EIF4G3: variants seen among roughly 807,000 people sequenced by gnomAD.
The protein encoded by EIF4G3 is eukaryotic translation initiation factor 4 gamma 3.
EIF4G3 carries 34 observed loss-of-function variants against 186.4 expected under a neutral mutation model. The ratio of observed to expected loss-of-function variants is 0.18; its 90% CI spans 0.14 to 0.24. The LOEUF is 0.24. Among genes scored for constraint, EIF4G3 ranks in the 10% least tolerant of loss-of-function variants. The pLI is 1.00. For synonymous variants in EIF4G3, 673 were observed against 679.5 expected (o/e 0.99, Z 0.15); for missense variants, 1,536 against 1,948.5 (o/e 0.79, Z 3.99).
intron 8 of EIF4G3, among the ~76,000 whole-genome samples, chr1:20,981,651 AC>A (rs2078190019): frequency 7.6e-6 from 1 of 131,700 alleles, no homozygotes; most frequent in Non-Finnish European, 1.6e-5. Context: ...CTGTATGTAT[AC>A]ATACATGTAT....
chr1:20,935,283 C>T (rs191488373), intron 14 of EIF4G3, among the ~76,000 whole-genome samples: 2 of 152,196 alleles, frequency 1.3e-5, no homozygotes, highest in African/African-American at 4.8e-5. Flanking sequence ...TAACTATATC[C>T]AGGAATAACT....
intron 7 of EIF4G3, among the ~76,000 whole-genome samples, chr1:20,997,049 AAATT>A (rs1249644902): frequency 9.2e-5 from 14 of 152,202 alleles, no homozygotes; most frequent in African/African-American, 1.7e-4. Flanking sequence ...AAAGTTATTT[AAATT>A]AATTAAGATA....
intron 2 of EIF4G3, among the ~76,000 whole-genome samples, chr1:21,145,821 C>T (rs1201540826): frequency 6.6e-6 from 1 of 152,120 alleles, no homozygotes; most frequent in Non-Finnish European, 1.5e-5. Flanking sequence ...TGGCTCATAT[C>T]TGCAATCCCA....
At chr1:20,865,598 T>C (rs2077386972) in intron 20 of EIF4G3, among the ~76,000 whole-genome samples, 1 of 152,128 alleles carries the variant, frequency 6.6e-6, no homozygotes, top group African/African-American at 2.4e-5. Context: ...ATTACTTCTT[T>C]TTTTAAGAAG....
intron 4 of EIF4G3, among the ~76,000 whole-genome samples, chr1:21,020,997 A>ATTTTT (rs60618419): frequency 6.6e-6 from 1 of 151,592 alleles, no homozygotes; most frequent in Non-Finnish European, 1.5e-5. Context: ...ATTTATTTTA[A>ATTTTT]TTTTGAGACA....
At chr1:21,062,536 C>T (rs1391888207) in intron 3 of EIF4G3, among the ~76,000 whole-genome samples, 3 of 152,088 alleles carry the variant, frequency 2.0e-5, no homozygotes, top group South Asian at 4.2e-4. Flanking sequence ...TCTAGCACCA[C>T]GGAGAAGACG....
intron 30 of EIF4G3, among the ~76,000 whole-genome samples, chr1:20,839,909 CAAAAA>C (rs58331252): frequency 2.6e-4 from 33 of 128,482 alleles, no homozygotes; most frequent in African/African-American, 9.9e-4. Context: ...ATGAGCTTGG[CAAAAA>C]AAAAAAAAAA....
At chr1:21,148,177 T>A (rs1022163354) in intron 2 of EIF4G3, among the ~76,000 whole-genome samples, 2 of 152,102 alleles carry the variant, frequency 1.3e-5, no homozygotes, top group Non-Finnish European at 2.9e-5. Flanking sequence ...CAAGCAATCC[T>A]CCCATCTCAA....
chr1:20,952,799 G>A (rs886883455), intron 12 of EIF4G3, among the ~76,000 whole-genome samples: 8 of 152,110 alleles, frequency 5.3e-5, no homozygotes, highest in South Asian at 2.1e-4. Context: ...GCAGTGAGCC[G>A]AGGTCGCGCC....
intron 2 of EIF4G3, among the ~76,000 whole-genome samples, chr1:21,118,573 G>A (rs2096869381): frequency 6.6e-6 from 1 of 152,094 alleles, no homozygotes; most frequent in East Asian, 1.9e-4. Flanking sequence ...GATCACTAAG[G>A]TCAGGAGCTT....
At chr1:21,017,627 C>CAAAA (rs71014146) in intron 4 of EIF4G3, among the ~76,000 whole-genome samples, 4 of 49,202 alleles carry the variant, frequency 8.1e-5, no homozygotes, top group South Asian at 1.0e-3. Context: ...GACTCCGTCT[C>CAAAA]AAAAAAAAAA....
chr1:20,890,315 T>TC (rs2085592260), intron 18 of EIF4G3, among the ~76,000 whole-genome samples: 4 of 152,146 alleles, frequency 2.6e-5, no homozygotes, highest in Admixed American at 2.0e-4. Context: ...GGGGCATACC[T>TC]CATAGATTTT....
intron 2 of EIF4G3, among the ~76,000 whole-genome samples, chr1:21,167,221 C>T (rs537059704): frequency 1.3e-5 from 2 of 152,348 alleles, no homozygotes; most frequent in South Asian, 2.1e-4. Context: ...TTAAAACTGG[C>T]TGTGTTCATT....
intron 12 of EIF4G3, among the ~76,000 whole-genome samples, chr1:20,964,945 G>A (rs916372070): frequency 2.6e-5 from 4 of 152,184 alleles, no homozygotes; most frequent in Admixed American, 1.3e-4. Context: ...CCCACGAGTC[G>A]TCTTTCTCTC....
intron 2 of EIF4G3, among the ~76,000 whole-genome samples, chr1:21,128,446 G>A (rs1019292767): frequency 1.3e-5 from 2 of 151,140 alleles, no homozygotes; most frequent in Non-Finnish European, 3.0e-5. Context: ...GGAGGTGGAG[G>A]TTGCAGTGAG....
chr1:21,077,037 T>C (rs1241138085), intron 3 of EIF4G3, among the ~76,000 whole-genome samples: 1 of 152,090 alleles, frequency 6.6e-6, no homozygotes, highest in Non-Finnish European at 1.5e-5. Context: ...ATGCAAACTA[T>C]ACATTTGACA....
chr1:20,880,643 C>T (rs764583397), intron 19 of EIF4G3, among the ~76,000 whole-genome samples: 1 of 152,010 alleles, frequency 6.6e-6, no homozygotes, highest in South Asian at 2.1e-4. Context: ...CCCAGCTACT[C>T]GGGAGGCTGA....
At chr1:20,975,846 AT>A (rs1173625737) in intron 10 of EIF4G3, among the ~76,000 whole-genome samples, 2 of 151,884 alleles carry the variant, frequency 1.3e-5, no homozygotes, top group Non-Finnish European at 2.9e-5. Flanking sequence ...ACCACTATTT[AT>A]TTTTTTAAAT....
At chr1:21,095,111 T>G (rs930237451) in intron 2 of EIF4G3, among the ~76,000 whole-genome samples, 1 of 152,164 alleles carries the variant, frequency 6.6e-6, no homozygotes, top group African/African-American at 2.4e-5. Flanking sequence ...GTATATTACT[T>G]AACACGCCTA....
Sources: gnomAD v4.1 joint callset for allele counts (sites outside exome capture counted in the v4.1 genomes callset) on GRCh38, gnomAD v4.1.1 for gene constraint, MANE v1.5 for transcripts, NCBI Gene and HGNC (gene_info 2026-07-23, HGNC 2026-07-21) for gene names.